Variants in NT5C1A observed in about 807,000 individuals in gnomAD.
NT5C1A encodes the protein 5'-nucleotidase, cytosolic IA, also known as cytosolic 5'-nucleotidase 1A.
In NT5C1A, 18 loss-of-function variants were observed where a neutral mutation model predicts 31.0. The observed-to-expected ratio is 0.58, with a 90% CI of 0.40 to 0.86. The LOEUF is 0.86. Among genes scored for constraint, NT5C1A ranks in the 40% least tolerant of loss-of-function variants. The probability of loss-of-function intolerance (pLI) is 0.00; values close to 1 mark genes in which losing one functional copy is unlikely to be tolerated. For synonymous variants in NT5C1A, 185 were observed against 203.6 expected (o/e 0.91, Z 0.78); for missense variants, 470 against 505.4 (o/e 0.93, Z 0.67).
Position 39,665,669 on chromosome 1 carries a change from C to A in NT5C1A, c.304-19G>T, listed in dbSNP as rs200924491. ...CCAGAGCCTGGAAAGGAGAGGGCAC[C>A]CCCCAGCTTAGACCCCCAAGGATTG... On this transcript the variant is annotated intron_variant, in intron 2 of 5. Coordinates refer to ENST00000235628, the MANE Select transcript of NT5C1A (RefSeq NM_032526.3). 6.2e-7 allele frequency: 1 copy of A among 1,610,958 alleles called. No individual in the cohort carries two copies. The highest frequency in any genetic ancestry group is 8.5e-7 in the Non-Finnish European group (1 of 1,178,994).
chr1:39,660,224 G>A (rs1002539589), intron 5 of NT5C1A, among the ~76,000 whole-genome samples: 3 of 152,218 alleles, frequency 2.0e-5, no homozygotes, highest in Admixed American at 1.3e-4. Flanking sequence ...GGATTTCAGA[G>A]GCAACTCGCA....
At chr1:39,666,830 C>G (rs1570461622) in intron 1 of NT5C1A, among the ~76,000 whole-genome samples, 1 of 152,202 alleles carries the variant, frequency 6.6e-6, no homozygotes, top group African/African-American at 2.4e-5. Context: ...GGCTTAGAAC[C>G]ACTATCCACT....
chr1:39,669,831 G>A (rs1008132899), intron 1 of NT5C1A, among the ~76,000 whole-genome samples: 13 of 152,270 alleles, frequency 8.5e-5, no homozygotes, highest in Admixed American at 2.6e-4. Context: ...CTCACTGGTG[G>A]GTTTGCTGCC....
intron 3 of NT5C1A, among the ~76,000 whole-genome samples, chr1:39,665,102 C>G (rs898171920): frequency 4.6e-5 from 7 of 152,220 alleles, no homozygotes; most frequent in Non-Finnish European, 8.8e-5. Context: ...ACTCTGACAG[C>G]TGCACCTGAT....
At chr1:39,664,678 A>C (rs1326773958) in intron 3 of NT5C1A, among the ~76,000 whole-genome samples, 1 of 149,236 alleles carries the variant, frequency 6.7e-6, no homozygotes, top group African/African-American at 2.5e-5. Context: ...TTTTTAGTAG[A>C]GACAGGGTTT....
At position 39,655,322 on chromosome 1, in the gene NT5C1A, C is replaced by A. The variant is rs564788773; in HGVS notation, c.*3799G>T. 1.3e-5 allele frequency among the ~76,000 whole-genome samples: 2 copies of A among 152,262 alleles called. No homozygotes were observed. Among genetic ancestry groups the A allele is most frequent in the African/African-American group, 4.8e-5 (2 of 41,532 alleles). On this transcript the variant is annotated 3_prime_UTR_variant, in exon 6 of 6. Coordinates refer to ENST00000235628, the MANE Select transcript of NT5C1A (RefSeq NM_032526.3). ...GAGTTTGCCAAACTCTGCATTAGCCCAAAACAGGGGCCTTCACACTGGGTT... is the reference window on the plus strand; with the variant it reads ...GAGTTTGCCAAACTCTGCATTAGCCAAAAACAGGGGCCTTCACACTGGGTT...
At position 39,655,221 on chromosome 1, in the gene NT5C1A, T is replaced by C. The variant is rs1393244211; in HGVS notation, c.*3900A>G. Reference sequence around the variant, plus strand: ...TCCCAAAGTGCTGGGATTACAGGCATGAGCCACTGTGCCTGGCCCCAGTCA... The same window carrying C: ...TCCCAAAGTGCTGGGATTACAGGCACGAGCCACTGTGCCTGGCCCCAGTCA... On this transcript the variant is annotated 3_prime_UTR_variant, in exon 6 of 6. Transcript: ENST00000235628. Among the ~76,000 whole-genome samples, 2 of 152,250 alleles carry C rather than the reference T, an allele frequency of 1.3e-5. No individual in the cohort carries two copies. Among genetic ancestry groups the C allele is most frequent in the Non-Finnish European group, 2.9e-5 (2 of 68,040 alleles).
chr1:39,661,609 T>C (rs1323773983), intron 4 of NT5C1A, among the ~76,000 whole-genome samples: 1 of 152,204 alleles, frequency 6.6e-6, no homozygotes, highest in Non-Finnish European at 1.5e-5. Flanking sequence ...TTCAATACTT[T>C]AATACCTAGT....
intron 4 of NT5C1A, among the ~76,000 whole-genome samples, chr1:39,662,344 A>G (rs937427443): frequency 1.2e-4 from 18 of 152,004 alleles, no homozygotes; most frequent in Admixed American, 1.2e-3. Context: ...ACCCAGAACC[A>G]CCCCTACCCT....
rs997589541 is a variant in NT5C1A at position 39,657,265 on chromosome 1, C to T, written c.*1856G>A. ...CCCAAATCGTTGCTCATTTGAGAACCGTCTCTGCCTTCTCACTTTGTTCTC... is the reference window on the plus strand; with the variant it reads ...CCCAAATCGTTGCTCATTTGAGAACTGTCTCTGCCTTCTCACTTTGTTCTC... On this transcript the variant is annotated 3_prime_UTR_variant, in exon 6 of 6. Transcript: ENST00000235628. Among the ~76,000 whole-genome samples the T allele has an allele frequency of 2.6e-5, 4 of 152,116 alleles. No individual in the cohort carries two copies. The highest frequency in any genetic ancestry group is 4.8e-5 in the African/African-American group (2 of 41,416).
Position 39,653,267 on chromosome 1 carries a change from A to T in NT5C1A, c.*5854T>A, listed in dbSNP as rs1174005991. ...GGTGGCCCCCAAGCTGCACATACGC[A>T]AATGCCCATGTTATGATGGAAATGG... On this transcript the variant is annotated 3_prime_UTR_variant, in exon 6 of 6. Transcript: ENST00000235628. 1.3e-5 allele frequency among the ~76,000 whole-genome samples: 2 copies of T among 151,956 alleles called. No individual in the cohort carries two copies. The highest frequency in any genetic ancestry group is 4.2e-4 in the South Asian group (2 of 4,774).
chr1:39,662,248 A>G (rs1392630364), intron 4 of NT5C1A, among the ~76,000 whole-genome samples: 2 of 152,170 alleles, frequency 1.3e-5, no homozygotes, highest in Non-Finnish European at 2.9e-5. Context: ...ACACAACTTC[A>G]CTAGCCTGAG....
In NT5C1A at chr1:39,666,265, A is replaced by G. The variant is rs779400786; in HGVS notation, c.136-29T>C. The stretch of plus-strand genomic sequence containing the variant: ...CAGAGGTATGGGAGAAGGGGTTGTC[A>G]CTCAGATGACTGCCCCTGAGGCAGG... On this transcript the variant is annotated intron_variant, in intron 1 of 5. Coordinates refer to ENST00000235628, the MANE Select transcript of NT5C1A (RefSeq NM_032526.3). The G allele has an allele frequency of 6.2e-6, 10 of 1,607,864 alleles. No homozygotes were observed. The South Asian group carries it at 1.1e-4, about 18-fold the overall frequency.
rs1051570072 is a variant in NT5C1A at position 39,651,961 on chromosome 1, G to A, written c.*7160C>T. 3.4e-5 allele frequency among the ~76,000 whole-genome samples: 5 copies of A among 145,090 alleles called. No homozygotes were observed. Among genetic ancestry groups the A allele is most frequent in the African/African-American group, 1.3e-4 (5 of 38,864 alleles). ...CAGGAGAATTGCTTGACCCCAGGAG[G>A]CGGAGGTTGCAGTGAGCCAAGATTG... On this transcript the variant is annotated 3_prime_UTR_variant, in exon 6 of 6. Coordinates refer to ENST00000235628, the MANE Select transcript of NT5C1A (RefSeq NM_032526.3).
At chr1:39,660,205 G>T (rs1264972385) in intron 5 of NT5C1A, among the ~76,000 whole-genome samples, 1 of 152,178 alleles carries the variant, frequency 6.6e-6, no homozygotes, top group Admixed American at 6.5e-5. Context: ...TCCTGCCCTG[G>T]ATTCCCAAGG....
chr1:39,659,091 C>A lies in NT5C1A; in HGVS notation c.*30G>T, dbSNP rs1295308573. ...TCGAAGTATGTCAGGGAGCCTGGAG[C>A]AATGTGGATCAGTAAAGCCGGTGGT... is the stretch of plus-strand genomic sequence containing the variant. On this transcript the variant is annotated 3_prime_UTR_variant, in exon 6 of 6. Transcript: ENST00000235628. 1.3e-6 allele frequency: 2 copies of A among 1,555,842 alleles called. No homozygotes were observed. The highest frequency in any genetic ancestry group is 2.4e-5 in the South Asian group (2 of 81,854).
At position 39,665,549 on chromosome 1, in the gene NT5C1A, G is replaced by A; in HGVS notation, c.405C>T (p.Val135=). The A allele has an allele frequency of 6.2e-7, 1 of 1,613,444 alleles. No individual in the cohort carries two copies. Among genetic ancestry groups the A allele is most frequent in the East Asian group, 2.2e-5 (1 of 44,880 alleles). Residue 135 remains valine (V), a synonymous_variant, in exon 3 of 6, where the codon GTC becomes GTT. Transcript: ENST00000235628. ...LMTNNHAQVG[V]RLINSINHYD... ...AGTGGTTGATACTGTTGATGAGGCG[G>A]ACACCCACTTGAGCATGGTTGTTAG...
In NT5C1A at chr1:39,653,415, G is replaced by A; in HGVS notation, c.*5706C>T. On this transcript the variant is annotated 3_prime_UTR_variant, in exon 6 of 6. Transcript: ENST00000235628. ...ACAGAGTCATTGGCTGAGATATCTG[G>A]CCCATTACACACACCCACATAAATA... Among the ~76,000 whole-genome samples, 1 of 152,044 alleles carries A rather than the reference G, an allele frequency of 6.6e-6. No homozygotes were observed. The highest frequency in any genetic ancestry group is 2.4e-5 in the African/African-American group (1 of 41,386).
intron 3 of NT5C1A, among the ~76,000 whole-genome samples, chr1:39,664,487 T>TCTCCTCCTCCTCCTCCTCCTCCTCCTC: frequency 1.4e-3 from 2 of 1,448 alleles, no homozygotes; most frequent in East Asian, 9.1e-3. Context: ...AGAGTGGATT[T>TCTCCTCCTCCTCCTCCTCCTCCTCCTC]CTCCTCCTCT....
Sources: gnomAD v4.1 joint callset for allele counts (sites outside exome capture counted in the v4.1 genomes callset) on GRCh38, gnomAD v4.1.1 for gene constraint, MANE v1.5 for transcripts, NCBI Gene and HGNC (gene_info 2026-07-23, HGNC 2026-07-21) for gene names.